PCDHA2: variants seen among roughly 807,000 people sequenced by gnomAD.
PCDHA2 encodes the protein protocadherin alpha 2.
Under a neutral mutation model 66.0 loss-of-function variants are expected in PCDHA2, and 58 were observed. The observed-to-expected ratio is 0.88, with a 90% CI of 0.71 to 1.09. The LOEUF (loss-of-function observed/expected upper bound fraction) is 1.09. Among genes scored for constraint, PCDHA2 ranks in the 50% least tolerant of loss-of-function variants. PCDHA2 has a pLI of 0.00. For synonymous variants in PCDHA2, 634 were observed against 554.0 expected, an observed-to-expected ratio of 1.14 and a Z score of -2.03; for missense variants, 1,267 against 1,242.3, an observed-to-expected ratio of 1.02 and a Z score of -0.30.
intron 1 of PCDHA2, chr5:140,871,086 G>A (rs556097993): frequency 6.6e-5 from 106 of 1,613,256 alleles, no homozygotes; most frequent in Middle Eastern, 1.6e-4. Flanking sequence ...TGACGGCCAC[G>A]GCCACCGTGC....
chr5:140,843,685 G>T (rs2150365041), intron 1 of PCDHA2: 1 of 1,589,062 alleles, frequency 6.3e-7, no homozygotes, highest in Non-Finnish European at 8.6e-7. Flanking sequence ...TAGGCGAAGA[G>T]CAAGATTTAA....
At chr5:140,882,076 G>T in intron 1 of PCDHA2, 1 of 920,546 alleles carries the variant, frequency 1.1e-6, no homozygotes. Flanking sequence ...TGCGCATGGT[G>T]TCGCTCTTCA....
chr5:140,874,132 A>T (rs181983769), intron 1 of PCDHA2, among the ~76,000 whole-genome samples: 8 of 152,358 alleles, frequency 5.3e-5, no homozygotes, highest in Non-Finnish European at 1.2e-4. Flanking sequence ...TATTTAAGTT[A>T]TCTTATACTT....
intron 1 of PCDHA2, chr5:140,834,368 A>G: frequency 6.4e-7 from 1 of 1,555,360 alleles, no homozygotes; most frequent in Non-Finnish European, 8.7e-7. Context: ...CTAGAAAAAC[A>G]AGCCAATAAT....
In PCDHA2 at chr5:140,929,054, C is replaced by T. The variant is rs782514800; in HGVS notation, c.2389-49895C>T. 27 of 1,614,056 alleles carry T rather than the reference C, an allele frequency of 1.7e-5. No individual in the cohort carries two copies. The highest frequency in any genetic ancestry group is 2.1e-5 in the Non-Finnish European group (25 of 1,180,042). ...TGTTGCGCTCAGAGCTGCTGTCGCT[C>T]TACAGAGGATCTGAGGTATGGAAGT... is the stretch of plus-strand genomic sequence containing the variant. On this transcript the variant is annotated intron_variant, in intron 1 of 3. Coordinates refer to ENST00000526136, the MANE Select transcript of PCDHA2 (RefSeq NM_018905.3).
intron 1 of PCDHA2, chr5:140,861,365 G>T (rs2046879866): frequency 2.8e-6 from 1 of 359,244 alleles, no homozygotes; most frequent in Non-Finnish European, 5.7e-6. Context: ...GCGTCTTCGC[G>T]GTCCCTATTG....
At chr5:140,809,618 C>T in intron 1 of PCDHA2, 1 of 1,511,826 alleles carries the variant, frequency 6.6e-7, no homozygotes, top group Non-Finnish European at 8.9e-7. Context: ...TTGTTTTTCT[C>T]TATCAACTTC....
intron 1 of PCDHA2, chr5:140,807,835 T>G: frequency 6.2e-7 from 1 of 1,614,194 alleles, no homozygotes; most frequent in Non-Finnish European, 8.5e-7. Context: ...CAGCCACTGA[T>G]GGAGGCAAAC....
chr5:140,824,252 A>G (rs2150133638), intron 1 of PCDHA2: 1 of 1,373,244 alleles, frequency 7.3e-7, no homozygotes, highest in South Asian at 1.3e-5. Context: ...GTACACAATT[A>G]TTGCACTAAT....
At chr5:140,968,715 A>T (rs2096265469) in intron 1 of PCDHA2, 1 of 1,614,014 alleles carries the variant, frequency 6.2e-7, no homozygotes, top group South Asian at 1.1e-5. Flanking sequence ...AAGATGGGAG[A>T]TGAGAGTGGT....
At chr5:140,869,526 G>C (rs1363521095) in intron 1 of PCDHA2, 1 of 1,614,194 alleles carries the variant, frequency 6.2e-7, no homozygotes, top group Non-Finnish European at 8.5e-7. Context: ...AAAAGCTGCT[G>C]ATTGCGGAAT....
intron 1 of PCDHA2, among the ~76,000 whole-genome samples, chr5:140,914,110 A>G (rs889499995): frequency 6.6e-6 from 1 of 152,168 alleles, no homozygotes; most frequent in Non-Finnish European, 1.5e-5. Flanking sequence ...GTGCAGATTA[A>G]GTCTGATGTT....
At chr5:140,843,944 A>G in intron 1 of PCDHA2, 2 of 570,390 alleles carry the variant, frequency 3.5e-6, no homozygotes, top group Non-Finnish European at 6.2e-6. Flanking sequence ...GTTGGATGAT[A>G]TCCATTTTTT....
intron 3 of PCDHA2, among the ~76,000 whole-genome samples, chr5:140,985,897 T>G (rs1037239723): frequency 1.3e-5 from 2 of 151,648 alleles, no homozygotes; most frequent in Non-Finnish European, 2.9e-5. Context: ...CCGCCACCAC[T>G]CCCGTCTAAT....
At chr5:140,870,021 TTTAGA>T (rs782664085) in intron 1 of PCDHA2, 39 of 1,613,464 alleles carry the variant, frequency 2.4e-5, no homozygotes, top group Non-Finnish European at 3.1e-5. Flanking sequence ...TCAATGGAAC[TTTAGA>T]TTATGAAGAA....
Position 140,795,072 on chromosome 5 carries a change from C to G in PCDHA2, c.108C>G (p.Pro36=), listed in dbSNP as rs781856991. ...GCGGCCAGCTCCGCTACTCCGTCCC[C>G]GAGGAGGCCAAACACGGCACCTTCG... ...VGSGQLRYSV[P]EEAKHGTFVG... The change falls in exon 1 of 4, where the codon CCC becomes CCG. Residue 36 remains proline (P), a synonymous_variant. Coordinates refer to ENST00000526136, the MANE Select transcript of PCDHA2 (RefSeq NM_018905.3). 3.5e-5 allele frequency: 56 copies of G among 1,613,848 alleles called. No individual in the cohort carries two copies. Among genetic ancestry groups the G allele is most frequent in the Middle Eastern group, 3.3e-4 (2 of 6,078 alleles).
chr5:140,824,012 G>T (rs1724453792), intron 1 of PCDHA2: 2 of 1,614,140 alleles, frequency 1.2e-6, no homozygotes, highest in South Asian at 1.1e-5. Flanking sequence ...GCGGTGGGGA[G>T]CTGGTCGTAC....
rs2150386849 is a variant in PCDHA2, at chr5:140,846,316, A to G, written c.2388+48964A>G. ...TGAATTAAGTAAACCATTTATGTAG[A>G]GTGTTGTAAATAGCCTTTTAAAGTG... On this transcript the variant is annotated intron_variant, in intron 1 of 3. Transcript: ENST00000526136. 2.4e-3 allele frequency among the ~76,000 whole-genome samples: 359 copies of G among 147,560 alleles called. 12 individuals carry two copies. Among genetic ancestry groups the G allele is most frequent in the African/African-American group, 8.0e-3 (325 of 40,542 alleles).
intron 1 of PCDHA2, chr5:140,841,090 C>T: frequency 1.8e-6 from 1 of 559,860 alleles, no homozygotes; most frequent in East Asian, 3.0e-5. Flanking sequence ...CATAGAAGAA[C>T]CCAGATATTG....
Sources: allele counts gnomAD v4.1 joint callset (sites outside exome capture counted in the v4.1 genomes callset), GRCh38; gene constraint gnomAD v4.1.1; transcripts MANE v1.5; gene names NCBI Gene and HGNC (gene_info 2026-07-23, HGNC 2026-07-21).